The following DYNC1H1 variants were observed in gnomAD, a reference collection of about 807,000 sequenced individuals.
The protein encoded by DYNC1H1 is cytoplasmic dynein 1 heavy chain 1.
DYNC1H1 carries 51 observed loss-of-function variants against 527.1 expected under a neutral mutation model. That is an observed-to-expected ratio of 0.10 (90% CI 0.08 to 0.12). The LOEUF is 0.12. Ranked by LOEUF, DYNC1H1 falls within the 10% of genes least tolerant of loss-of-function variation. DYNC1H1 has a pLI of 1.00. For missense variants in DYNC1H1, 2,771 were observed against 5,971.8 expected (o/e 0.46, Z 17.66); for synonymous variants, 2,189 against 2,278.8 (o/e 0.96, Z 1.12).
chr14:101,978,760 A>C (rs1259831878), intron 2 of DYNC1H1, among the ~76,000 whole-genome samples: 1 of 152,254 alleles, frequency 6.6e-6, no homozygotes, highest in Non-Finnish European at 1.5e-5. Flanking sequence ...CCCACAGAAG[A>C]GGTCACACTG....
chr14:102,027,813 A>G lies in DYNC1H1; in HGVS notation c.9243A>G (p.Thr3081=). The change falls in exon 47 of 78, where the codon ACA becomes ACG. Residue 3081 remains threonine (T), a synonymous_variant. Coordinates refer to ENST00000360184, the MANE Select transcript of DYNC1H1 (RefSeq NM_001376.5). This position sits in a 1 kb window ranked among gnomAD's most constrained non-coding sequence, Gnocchi z 7.7. ...AGGGACTCAAGGACCGGGCAGCTAC[A>G]TCACCAGCACTTTTCAACAGGTACG... ...SSEGLKDRAA[T]SPALFNRCVL... 6.2e-7 allele frequency: 1 copy of G among 1,614,208 alleles called. No homozygotes were observed. The highest frequency in any genetic ancestry group is 8.5e-7 in the Non-Finnish European group (1 of 1,180,034).
Position 102,020,298 on chromosome 14 carries a change from G to C in DYNC1H1, c.8507+242G>C, listed in dbSNP as rs1405438074. Among the ~76,000 whole-genome samples the C allele has an allele frequency of 1.3e-5, 2 of 152,138 alleles. No homozygotes were observed. The highest frequency in any genetic ancestry group is 4.8e-5 in the African/African-American group (2 of 41,432). ...GGCCCACCACTGTCTGCTTACACAA[G>C]GCACTTTCATAAACCTTGTGGCTGT... On this transcript the variant is annotated intron_variant, in intron 42 of 77. Coordinates refer to ENST00000360184, the MANE Select transcript of DYNC1H1 (RefSeq NM_001376.5). This position sits in a 1 kb window ranked among gnomAD's most constrained non-coding sequence, Gnocchi z 4.3.
chr14:102,043,876 C>A lies in DYNC1H1; in HGVS notation c.12515C>A (p.Ser4172Tyr). Reference protein sequence around the residue: ...SSIPVSRICKSPNERARLYFL... With the variant: ...SSIPVSRICKYPNERARLYFL... ...GTGCTTGGTCACTTTCCTCACCAGTCTCCCAACGAGCGTGCCCGCTTGTAC... is the reference window on the plus strand; with the variant it reads ...GTGCTTGGTCACTTTCCTCACCAGTATCCCAACGAGCGTGCCCGCTTGTAC... The change falls in exon 70 of 78, where the codon TCT becomes TAT. Residue 4172 changes from serine (S) to tyrosine (Y), a missense_variant and splice_region_variant. Ser to Tyr is a moderately radical substitution (Grantham distance 144). Coordinates refer to ENST00000360184, the MANE Select transcript of DYNC1H1 (RefSeq NM_001376.5). 6.2e-7 allele frequency: 1 copy of A among 1,614,198 alleles called. No individual in the cohort carries two copies. Among genetic ancestry groups the A allele is most frequent in the South Asian group, 1.1e-5 (1 of 91,070 alleles).
In DYNC1H1 at chr14:102,008,237, G is replaced by A; in HGVS notation, c.5877G>A (p.Glu1959=). ...CQVGAWGCFD[E]FNRLEERMLS... ...TGGGTGCCTGGGGCTGCTTTGACGA[G>A]TTCAACCGCCTGGAGGAGCGGATGC... Residue 1959 remains glutamate (E), a synonymous_variant, in exon 29 of 78, where the codon GAG becomes GAA. Coordinates refer to ENST00000360184, the MANE Select transcript of DYNC1H1 (RefSeq NM_001376.5). 1 of 1,614,232 alleles carries A rather than the reference G, an allele frequency of 6.2e-7. No individual in the cohort carries two copies. The highest frequency in any genetic ancestry group is 8.5e-7 in the Non-Finnish European group (1 of 1,180,050).
At chr14:101,993,095 A>C (rs1346174067) in intron 11 of DYNC1H1, among the ~76,000 whole-genome samples, 1 of 150,776 alleles carries the variant, frequency 6.6e-6, no homozygotes, top group East Asian at 2.0e-4. Context: ...CGTCACACTG[A>C]GCACCTCTTG....
intron 23 of DYNC1H1, 96 bp from the exon 24 acceptor site, chr14:102,004,422 C>T (rs1371686800): frequency 3.6e-6 from 5 of 1,396,930 alleles, no homozygotes. Context: ...CCACCAGACA[C>T]ATGTTCTTTC....
chr14:102,000,137 G>A lies in DYNC1H1; in HGVS notation c.3953G>A (p.Arg1318His), dbSNP rs143114300. The A allele has an allele frequency of 3.1e-6, 5 of 1,614,218 alleles. No individual in the cohort carries two copies. Among genetic ancestry groups the A allele is most frequent in the East Asian group, 2.2e-5 (1 of 44,890 alleles). The change falls in exon 17 of 78, where the codon CGC becomes CAC. Residue 1318 changes from arginine (R) to histidine (H), a missense_variant. Arg to His is a conservative substitution (Grantham distance 29, BLOSUM62 0). Transcript: ENST00000360184. ...GGGCTTCTCAGTGGCAGTGAAGAGC[G>A]CGTGCAGGTATGAACCACTGGGGAG... ...DTGLLSGSEE[R>H]VQVALEELQD...
At chr14:101,974,383 G>A (rs989339189) in intron 1 of DYNC1H1, among the ~76,000 whole-genome samples, 27 of 152,192 alleles carry the variant, frequency 1.8e-4, no homozygotes, top group African/African-American at 6.3e-4. Flanking sequence ...GCAGGCATGC[G>A]CCATCACGCC....
chr14:102,031,624 C>T (rs776654606), intron 51 of DYNC1H1, among the ~76,000 whole-genome samples: 1 of 151,960 alleles, frequency 6.6e-6, no homozygotes, highest in Admixed American at 6.6e-5. Flanking sequence ...AAAATAAATG[C>T]ACAATTGCAC....
rs1405308279 is a variant in DYNC1H1 at position 102,034,363 on chromosome 14, T to C, written c.10665T>C (p.Asn3555=). Residue 3555 remains asparagine, a synonymous_variant, in exon 56 of 78, where the codon AAT becomes AAC. Coordinates refer to ENST00000360184, the MANE Select transcript of DYNC1H1 (RefSeq NM_001376.5). ...TDIARTEYLS[N]ADERLRWQAS... ...TTGCCAGGACGGAATACCTTTCCAA[T>C]GCTGATGAGCGTCTTCGCTGGCAGG... is the stretch of plus-strand genomic sequence containing the variant. 1 of 1,614,116 alleles carries C rather than the reference T, an allele frequency of 6.2e-7. No individual in the cohort carries two copies. The highest frequency in any genetic ancestry group is 1.3e-5 in the African/African-American group (1 of 74,960).
chr14:101,974,314 G>T (rs970261120), intron 1 of DYNC1H1, among the ~76,000 whole-genome samples: 3 of 152,134 alleles, frequency 2.0e-5, no homozygotes, highest in Admixed American at 2.0e-4. Context: ...TGTCAGGCTG[G>T]TCTCGAACTC....
intron 1 of DYNC1H1, among the ~76,000 whole-genome samples, chr14:101,974,917 C>A (rs1054643208): frequency 1.3e-5 from 2 of 152,128 alleles, no homozygotes; most frequent in African/African-American, 4.8e-5. Flanking sequence ...AGCTCACAGC[C>A]GGGGAGGAAG....
chr14:102,043,663 G>T, intron 69 of DYNC1H1: 2 of 626,730 alleles, frequency 3.2e-6, no homozygotes, highest in East Asian at 5.6e-5. Flanking sequence ...TTTCTTACTG[G>T]CTGAATAAAT....
At position 101,998,234 on chromosome 14, in the gene DYNC1H1, C is replaced by T. The variant is rs71424493; in HGVS notation, c.3804+960C>T. 8.9e-3 allele frequency among the ~76,000 whole-genome samples: 1,261 copies of T among 141,892 alleles called. 12 individuals carry two copies. The highest frequency in any genetic ancestry group is 0.012 in the Non-Finnish European group (781 of 66,104). 93.1% of individuals were successfully genotyped at this position (141,892 alleles called of 152,430 possible). On this transcript the variant is annotated intron_variant, in intron 16 of 77. Transcript: ENST00000360184. ...CCTCTCCCCTCTATAGGCGCTGATC[C>T]GATAATACAAACGCCTGGACCCCTC...
intron 1 of DYNC1H1, among the ~76,000 whole-genome samples, chr14:101,970,992 A>G (rs187363866): frequency 1.5e-4 from 23 of 149,438 alleles, no homozygotes; most frequent in Non-Finnish European, 7.4e-5. Context: ...CTCACCTGGC[A>G]CTTTACCAGT....
At chr14:101,966,523 A>C (rs2047670335) in intron 1 of DYNC1H1, among the ~76,000 whole-genome samples, 1 of 152,156 alleles carries the variant, frequency 6.6e-6, no homozygotes, top group Non-Finnish European at 1.5e-5. Context: ...ACCCAGATAT[A>C]ATCACTGTCA....
In DYNC1H1 at chr14:102,047,637, G is replaced by GTATATATATATATA. The variant is rs1311727690; in HGVS notation, c.13007-179_13007-178insATATATATATATAT. The GTATATATATATATA allele has an allele frequency of 5.6e-4, 222 of 394,176 alleles. 3 individuals are homozygous for GTATATATATATATA. The highest frequency in any genetic ancestry group is 5.3e-3 in the African/African-American group (119 of 22,460). The allele number at this position is 394,176 out of a possible 1,614,324, so 24.4% of individuals were successfully genotyped here. A position where few individuals can be genotyped will look rare whatever the true frequency, so the allele number is the denominator to read the frequency against. On this transcript the variant is annotated intron_variant, in intron 72 of 77. Coordinates refer to ENST00000360184, the MANE Select transcript of DYNC1H1 (RefSeq NM_001376.5). Reference sequence around the variant, plus strand: ...TATATACACGTGTGTGTGTGTGTGTGTGTGTATATATATATATATATATAT... The same window carrying GTATATATATATATA: ...TATATACACGTGTGTGTGTGTGTGTGTATATATATATATATGTGTATATATATATATATATATAT...
Position 102,034,098 on chromosome 14 carries a change from G to A in DYNC1H1, c.10536G>A (p.Ala3512=), listed in dbSNP as rs1060504512. The A allele has an allele frequency of 5.6e-6, 9 of 1,614,026 alleles. No homozygotes were observed. In the African/African-American group the frequency reaches 6.7e-5, roughly 12 times the overall value. Residue 3512 remains alanine, a synonymous_variant, in exon 55 of 78, where the codon GCG becomes GCA. Transcript: ENST00000360184. ...TIAGDCLLSA[A]FIAYAGYFDQ... ...CTGGGGACTGTCTCTTGTCAGCTGC[G>A]TTCATTGCCTACGCGGGTTACTTTG... is the stretch of plus-strand genomic sequence containing the variant.
chr14:101,998,879 C>CTTTTTTTTTTGTTTTTTTTTTTTTTTTTT (rs1470140199), intron 16 of DYNC1H1, among the ~76,000 whole-genome samples: 3 of 115,220 alleles, frequency 2.6e-5, no homozygotes, highest in African/African-American at 1.1e-4. Flanking sequence ...AAAACTTTTT[C>CTTTTTTTTTTGTTTTTTTTTTTTTTTTTT]TTTTTTTTTT....
Sources: gnomAD v4.1 joint callset for allele counts (sites outside exome capture counted in the v4.1 genomes callset) on GRCh38, gnomAD v4.1.1 for gene constraint, Gnocchi (gnomAD v3.1) non-coding constraint, MANE v1.5 for transcripts, NCBI Gene and HGNC (gene_info 2026-07-23, HGNC 2026-07-21) for gene names.